MTCL3: variants seen among roughly 807,000 people sequenced by gnomAD.
MTCL3 encodes MTCL family member 3, also known as microtubule cross-linking factor 3.
the MTCL3 span, among the ~76,000 whole-genome samples, chr6:127,516,974 T>TA: frequency 6.6e-6 from 1 of 151,986 alleles, no homozygotes; most frequent in Non-Finnish European, 1.5e-5. Flanking sequence ...AAGGGTGAGA[T>TA]ACAGAGTCAG....
At chr6:127,515,384 C>G in the MTCL3 span, 1 of 917,308 alleles carries the variant, frequency 1.1e-6, no homozygotes, top group Non-Finnish European at 1.6e-6. This position sits in a 1 kb window ranked among gnomAD's most constrained non-coding sequence, Gnocchi z 4.3. Flanking sequence ...CCCCCTCCCT[C>G]CTTTCTTGTT....
At chr6:127,507,077 T>C in the MTCL3 span, among the ~76,000 whole-genome samples, 1 of 144,940 alleles carries the variant, frequency 6.9e-6, no homozygotes, top group Non-Finnish European at 1.5e-5. Flanking sequence ...GGTTGGAGAC[T>C]TAACTCTTAT....
At chr6:127,502,232 C>T in the MTCL3 span, among the ~76,000 whole-genome samples, 1 of 152,144 alleles carries the variant, frequency 6.6e-6, no homozygotes. Context: ...TTATCTTGTG[C>T]TTGACCACTT....
the MTCL3 span, chr6:127,514,852 G>A: frequency 6.2e-7 from 1 of 1,613,310 alleles, no homozygotes. Context: ...CTGCGCAACA[G>A]CTCCCCGTCG....
the MTCL3 span, chr6:127,516,094 C>G: frequency 2.0e-6 from 3 of 1,492,462 alleles, no homozygotes; most frequent in Non-Finnish European, 2.7e-6. Flanking sequence ...GCCGGCTCCT[C>G]CTCCTTCCCC....
At chr6:127,502,899 T>C in the MTCL3 span, among the ~76,000 whole-genome samples, 1 of 152,278 alleles carries the variant, frequency 6.6e-6, no homozygotes, top group East Asian at 1.9e-4. Flanking sequence ...TTGTAAAAAG[T>C]GAGATAGAAT....
the MTCL3 span, chr6:127,518,742 G>T: frequency 6.6e-6 from 1 of 152,132 alleles, no homozygotes; most frequent in Non-Finnish European, 1.5e-5. Context: ...CTTTGGGCTC[G>T]CTCGCCGCAG....
chr6:127,514,698 T>G, the MTCL3 span: 1 of 727,526 alleles, frequency 1.4e-6, no homozygotes, highest in East Asian at 2.7e-5. Context: ...TGGTTAGCGC[T>G]ACGAAACTGT....
the MTCL3 span, among the ~76,000 whole-genome samples, chr6:127,514,365 C>G: frequency 3.9e-5 from 6 of 152,136 alleles, no homozygotes; most frequent in East Asian, 9.6e-4. Context: ...TGAAAGAAAT[C>G]TTAACTCTAG....
At chr6:127,491,013 T>C in the MTCL3 span, among the ~76,000 whole-genome samples, 2 of 152,332 alleles carry the variant, frequency 1.3e-5, no homozygotes, top group Middle Eastern at 3.4e-3. Flanking sequence ...CTGATTGTGA[T>C]TGACTTGCTG....
At chr6:127,485,843 AGAAGCTCTAATTCCAGATCTGGG>A in the MTCL3 span, among the ~76,000 whole-genome samples, 1 of 152,232 alleles carries the variant, frequency 6.6e-6, no homozygotes, top group African/African-American at 2.4e-5. Context: ...GGGCAAAGGA[AGAAGCTCTAATTCCAGATCTGGG>A]GAATCAGAGA....
chr6:127,518,375 C>A, the MTCL3 span, among the ~76,000 whole-genome samples: 3 of 152,374 alleles, frequency 2.0e-5, no homozygotes, highest in South Asian at 6.2e-4. Context: ...AACTGGGCTC[C>A]ACAATCAAAG....
At chr6:127,493,753 T>C in the MTCL3 span, among the ~76,000 whole-genome samples, 1 of 152,242 alleles carries the variant, frequency 6.6e-6, no homozygotes, top group Non-Finnish European at 1.5e-5. Context: ...AAAACTATTT[T>C]TCTGCTCTAA....
the MTCL3 span, chr6:127,481,245 A>C: frequency 1.1e-6 from 1 of 940,266 alleles, no homozygotes; most frequent in African/African-American, 1.8e-5. Flanking sequence ...CTCCATAAAC[A>C]AGGTAGGAAA....
At chr6:127,489,627 T>G in the MTCL3 span, among the ~76,000 whole-genome samples, 290 of 152,332 alleles carry the variant, frequency 1.9e-3, no homozygotes, top group African/African-American at 6.7e-3. Context: ...ATGCAAAAAG[T>G]TTTAGTGGTC....
chr6:127,509,877 A>T, the MTCL3 span, among the ~76,000 whole-genome samples: 7 of 152,214 alleles, frequency 4.6e-5, no homozygotes, highest in Admixed American at 2.6e-4. Flanking sequence ...CAAAAATCTT[A>T]TCTGAATGAA....
the MTCL3 span, chr6:127,516,804 ACTTTAGGAATAGGATGCAGGGCTGT>A: frequency 3.3e-5 from 33 of 991,060 alleles, no homozygotes; most frequent in African/African-American, 4.3e-4. Flanking sequence ...AGAAGCTTTG[ACTTTAGGAATAGGATGCAGGGCTGT>A]CTTTAGGAAT....
At chr6:127,491,646 G>A in the MTCL3 span, among the ~76,000 whole-genome samples, 1 of 152,002 alleles carries the variant, frequency 6.6e-6, no homozygotes, top group African/African-American at 2.4e-5. Context: ...TCTGAGGTAG[G>A]CCTATAAATG....
At chr6:127,486,293 T>C in the MTCL3 span, among the ~76,000 whole-genome samples, 1 of 152,234 alleles carries the variant, frequency 6.6e-6, no homozygotes, top group South Asian at 2.1e-4. Flanking sequence ...CAGGTGCCTT[T>C]AGGGCTGCTA....
Sources: allele counts gnomAD v4.1 joint callset (sites outside exome capture counted in the v4.1 genomes callset), GRCh38; gene constraint gnomAD v4.1.1; non-coding constraint Gnocchi (gnomAD v3.1); transcripts MANE v1.5; gene names NCBI Gene and HGNC (gene_info 2026-07-23, HGNC 2026-07-21).